Variants in ARSB observed in about 807,000 individuals in gnomAD.
ARSB encodes the protein N-acetylgalactosamine-4-sulfatase.
ARSB carries 41 observed loss-of-function variants against 50.9 expected under a neutral mutation model. The ratio of observed to expected loss-of-function variants is 0.81; its 90% CI spans 0.63 to 1.04. The LOEUF (loss-of-function observed/expected upper bound fraction) is 1.04. Among genes scored for constraint, ARSB ranks in the 50% least tolerant of loss-of-function variants. The pLI is 0.00. For missense variants in ARSB, 672 were observed against 693.3 expected, an observed-to-expected ratio of 0.97 and a Z score of 0.35; for synonymous variants, 269 against 284.8, an observed-to-expected ratio of 0.94 and a Z score of 0.56.
chr5:78,969,535 T>C (rs1415228901), intron 1 of ARSB, among the ~76,000 whole-genome samples: 2 of 152,242 alleles, frequency 1.3e-5, no homozygotes, highest in African/African-American at 2.4e-5. Flanking sequence ...GTTCCAATTT[T>C]GGGCACACAA....
intron 5 of ARSB, among the ~76,000 whole-genome samples, chr5:78,841,015 C>T (rs1745173968): frequency 6.6e-6 from 1 of 151,940 alleles, no homozygotes. Context: ...AACAAGTATG[C>T]CAGGTACAAT....
At chr5:78,898,941 T>A (rs1748687485) in intron 4 of ARSB, among the ~76,000 whole-genome samples, 1 of 152,212 alleles carries the variant, frequency 6.6e-6, no homozygotes, top group Non-Finnish European at 1.5e-5. Context: ...CATTAGCGTT[T>A]TTTCTTTCAG....
Position 78,935,431 on chromosome 5 carries a change from C to T in ARSB, c.898+19864G>A, listed in dbSNP as rs567296242. 5.3e-5 allele frequency among the ~76,000 whole-genome samples: 8 copies of T among 152,298 alleles called. No homozygotes were observed. In the South Asian group the frequency reaches 8.3e-4, roughly 16 times the overall value. ...TATTGAATTAGGAAATAAGCCACTT[C>T]GTCCTGTGCATAGTCAGCCTCATTC... On this transcript the variant is annotated intron_variant, in intron 4 of 7. Coordinates refer to ENST00000264914, the MANE Select transcript of ARSB (RefSeq NM_000046.5).
intron 1 of ARSB, among the ~76,000 whole-genome samples, chr5:78,979,713 T>C (rs894201200): frequency 1.3e-5 from 2 of 152,220 alleles, no homozygotes; most frequent in Admixed American, 6.5e-5. Flanking sequence ...AGCCTGAATT[T>C]TCATGGCCAT....
intron 5 of ARSB, among the ~76,000 whole-genome samples, chr5:78,865,799 A>G (rs573659981): frequency 7.9e-5 from 12 of 152,162 alleles, no homozygotes; most frequent in Non-Finnish European, 1.6e-4. Context: ...AGTTCCACAA[A>G]TCTCTAGGGC....
chr5:78,966,290 C>T (rs1327179784), intron 2 of ARSB, among the ~76,000 whole-genome samples: 4 of 152,234 alleles, frequency 2.6e-5, no homozygotes, highest in Non-Finnish European at 5.9e-5. Flanking sequence ...AGCTTTTCTT[C>T]ATAATAATGA....
intron 4 of ARSB, among the ~76,000 whole-genome samples, chr5:78,933,059 C>A (rs182369224): frequency 6.6e-6 from 1 of 152,326 alleles, no homozygotes; most frequent in African/African-American, 2.4e-5. Flanking sequence ...GCTAGCCTTA[C>A]TGCTCATATA....
At chr5:78,954,516 T>C (rs10036464) in intron 4 of ARSB, among the ~76,000 whole-genome samples, 44,347 of 152,046 alleles carry the variant, frequency 0.29, 7,294 homozygotes, top group Non-Finnish European at 0.37. Context: ...AAAAAAATAT[T>C]TTTTTTGAGA....
chr5:78,980,651 A>G (rs1717570), intron 1 of ARSB, among the ~76,000 whole-genome samples: 63,932 of 151,854 alleles, frequency 0.42, 13,618 homozygotes, highest in Admixed American at 0.47. Flanking sequence ...CAGAAAAAAG[A>G]GAGAAATGAT....
At chr5:78,824,700 G>T (rs1339416464) in intron 6 of ARSB, among the ~76,000 whole-genome samples, 1 of 152,084 alleles carries the variant, frequency 6.6e-6, no homozygotes, top group South Asian at 2.1e-4. Context: ...CTAATTTCTG[G>T]TATTATCTTT....
intron 4 of ARSB, among the ~76,000 whole-genome samples, chr5:78,940,701 T>A (rs1302785802): frequency 6.6e-6 from 1 of 152,222 alleles, no homozygotes; most frequent in East Asian, 1.9e-4. Flanking sequence ...TGTAGCATAG[T>A]TTGAAGTCAG....
chr5:78,984,691 C>A (rs1214213593), intron 1 of ARSB, among the ~76,000 whole-genome samples: 1 of 152,142 alleles, frequency 6.6e-6, no homozygotes, highest in African/African-American at 2.4e-5. Flanking sequence ...AAGACAAAGC[C>A]ACCCGCCCAA....
chr5:78,812,976 G>C (rs1743869464), intron 6 of ARSB, among the ~76,000 whole-genome samples: 1 of 152,198 alleles, frequency 6.6e-6, no homozygotes, highest in South Asian at 2.1e-4. Flanking sequence ...GGGCAACACA[G>C]TGAGACCCTG....
At chr5:78,853,288 G>C (rs1456597613) in intron 5 of ARSB, among the ~76,000 whole-genome samples, 1 of 152,208 alleles carries the variant, frequency 6.6e-6, no homozygotes, top group Non-Finnish European at 1.5e-5. Flanking sequence ...AGGACCCTCA[G>C]CTGCAGGTCT....
intron 6 of ARSB, among the ~76,000 whole-genome samples, chr5:78,824,439 G>C (rs1404369193): frequency 6.6e-6 from 1 of 152,206 alleles, no homozygotes; most frequent in African/African-American, 2.4e-5. Flanking sequence ...ATTGTAGTCA[G>C]AGACCCAGCA....
intron 5 of ARSB, among the ~76,000 whole-genome samples, chr5:78,863,035 T>C (rs534834729): frequency 6.6e-6 from 1 of 152,284 alleles, no homozygotes; most frequent in Admixed American, 6.5e-5. Context: ...ATCAGAGAAA[T>C]GCAAATCAAA....
intron 4 of ARSB, among the ~76,000 whole-genome samples, chr5:78,949,809 C>T (rs1345753715): frequency 6.6e-6 from 1 of 152,124 alleles, no homozygotes; most frequent in Non-Finnish European, 1.5e-5. Flanking sequence ...ATTTGGGAGG[C>T]TGAGGCAGGA....
intron 6 of ARSB, among the ~76,000 whole-genome samples, chr5:78,802,371 G>T (rs963094979): frequency 6.6e-6 from 1 of 151,928 alleles, no homozygotes. Context: ...CCCTAGAAAA[G>T]TATATGATCC....
At chr5:78,882,515 AG>A (rs879462273) in intron 5 of ARSB, among the ~76,000 whole-genome samples, 26 of 152,330 alleles carry the variant, frequency 1.7e-4, no homozygotes, top group Middle Eastern at 3.4e-3. Flanking sequence ...TCATGTAGAA[AG>A]AGCTCATTTC....
Sources: gnomAD v4.1 joint callset for allele counts (sites outside exome capture counted in the v4.1 genomes callset) on GRCh38, gnomAD v4.1.1 for gene constraint, MANE v1.5 for transcripts, NCBI Gene and HGNC (gene_info 2026-07-23, HGNC 2026-07-21) for gene names.